The following PICALM variants were observed in gnomAD, a reference collection of about 807,000 sequenced individuals.
PICALM encodes phosphatidylinositol binding clathrin assembly protein, also known as phosphatidylinositol-binding clathrin assembly protein.
In PICALM, 40 loss-of-function variants were observed where a neutral mutation model predicts 80.5. The observed-to-expected ratio is 0.50, with a 90% CI of 0.39 to 0.65. The LOEUF is 0.65. Among genes scored for constraint, PICALM ranks in the 30% least tolerant of loss-of-function variants. The pLI, the probability that PICALM is intolerant of heterozygous loss-of-function variation, is 0.00. For missense variants in PICALM, 676 were observed against 778.9 expected (o/e 0.87, Z 1.57); for synonymous variants, 288 against 260.3 (o/e 1.11, Z -1.02).
At chr11:86,029,268 A>G (rs2095707359) in intron 2 of PICALM, among the ~76,000 whole-genome samples, 4 of 152,126 alleles carry the variant, frequency 2.6e-5, no homozygotes, top group Admixed American at 6.5e-5. Context: ...TTCCCCACTC[A>G]GTTTTGAGAA....
At chr11:86,011,788 T>C (rs2095398272) in intron 6 of PICALM, among the ~76,000 whole-genome samples, 1 of 152,050 alleles carries the variant, frequency 6.6e-6, no homozygotes, top group Admixed American at 6.5e-5. Context: ...AAAATATTTG[T>C]TTTTTTCCCA....
At chr11:86,008,927 C>T (rs2095332832) in intron 7 of PICALM, among the ~76,000 whole-genome samples, 1 of 106,070 alleles carries the variant, frequency 9.4e-6, no homozygotes, top group Non-Finnish European at 1.9e-5. Context: ...ACCCCGTTCT[C>T]CAGAAAAAGG....
At chr11:86,018,497 C>T (rs1669108368) in intron 4 of PICALM, among the ~76,000 whole-genome samples, 1 of 151,990 alleles carries the variant, frequency 6.6e-6, no homozygotes, top group Non-Finnish European at 1.5e-5. Flanking sequence ...TGCAACCATA[C>T]ATAAAAGGAT....
At chr11:85,960,841 G>T in intron 19 of PICALM, 1 of 670,218 alleles carries the variant, frequency 1.5e-6, no homozygotes, top group Non-Finnish European at 2.1e-6. Context: ...GAACATGAAA[G>T]CAGAAAATGT....
chr11:86,006,408 G>C (rs1259405081), intron 8 of PICALM, among the ~76,000 whole-genome samples: 1 of 152,172 alleles, frequency 6.6e-6, no homozygotes, highest in Non-Finnish European at 1.5e-5. Context: ...AACACTTTCG[G>C]AAGCCTAGGC....
intron 14 of PICALM, 153 bp from the exon 15 acceptor site, chr11:85,982,156 GA>G (rs1346014319): frequency 3.1e-6 from 2 of 635,402 alleles, no homozygotes; most frequent in Non-Finnish European, 5.5e-6. Context: ...GGAAAATGAA[GA>G]AAGTCACCAC....
rs564597377 is a variant in PICALM at position 86,004,334 on chromosome 11, C to T, written c.808-883G>A. On this transcript the variant is annotated intron_variant, in intron 8 of 19. Transcript: ENST00000393346. ...GCAAAAGTAAATACTTGTATGATTA[C>T]GCTTATATTAAGAACCAACAAAATT... 1.1e-4 allele frequency among the ~76,000 whole-genome samples: 17 copies of T among 152,116 alleles called. No individual in the cohort carries two copies. The South Asian group carries it at 2.7e-3, about 24-fold the overall frequency.
chr11:86,046,290 C>CA (rs1402033468), intron 1 of PICALM, among the ~76,000 whole-genome samples: 5 of 151,610 alleles, frequency 3.3e-5, no homozygotes, highest in Admixed American at 6.6e-5. Flanking sequence ...TCAGAATGAG[C>CA]AAAAAAAATC....
chr11:86,037,197 G>T (rs1290842665), intron 1 of PICALM, among the ~76,000 whole-genome samples: 1 of 146,938 alleles, frequency 6.8e-6, no homozygotes, highest in African/African-American at 2.6e-5. Context: ...ACCCGCTTCG[G>T]CCTCCCAAAG....
At chr11:86,040,382 T>G (rs1055059979) in intron 1 of PICALM, among the ~76,000 whole-genome samples, 1 of 152,158 alleles carries the variant, frequency 6.6e-6, no homozygotes, top group Admixed American at 6.5e-5. Flanking sequence ...TTTATTTTTA[T>G]AGAGACGAGG....
chr11:85,975,583 C>T (rs1306210960), intron 18 of PICALM, among the ~76,000 whole-genome samples: 6 of 141,190 alleles, frequency 4.2e-5, no homozygotes, highest in South Asian at 2.2e-4. Flanking sequence ...GCCTGAGTTT[C>T]TCAGCAGACT....
Position 86,024,720 on chromosome 11 carries a change from T to A in PICALM, c.349+1572A>T, listed in dbSNP as rs2095622792. The stretch of plus-strand genomic sequence containing the variant: ...CTATCTGCCACTACATGTTCTCAAA[T>A]ACACCATTCATATATATTCTATTCA... On this transcript the variant is annotated intron_variant, in intron 3 of 19. Transcript: ENST00000393346. Among the ~76,000 whole-genome samples the A allele has an allele frequency of 2.0e-5, 3 of 152,202 alleles. No individual in the cohort carries two copies. The South Asian group carries it at 6.2e-4, about 31-fold the overall frequency.
chr11:86,058,329 A>C (rs554621961), intron 1 of PICALM, among the ~76,000 whole-genome samples: 1 of 152,310 alleles, frequency 6.6e-6, no homozygotes, highest in African/African-American at 2.4e-5. Context: ...TTAAAATATG[A>C]CAATTGAGTA....
At chr11:85,972,496 C>A (rs1212840322) in intron 19 of PICALM, among the ~76,000 whole-genome samples, 1 of 152,162 alleles carries the variant, frequency 6.6e-6, no homozygotes, top group African/African-American at 2.4e-5. Flanking sequence ...GCAGACCCAT[C>A]TACCTTAAAG....
chr11:86,019,880 A>C (rs2095537290), intron 4 of PICALM, among the ~76,000 whole-genome samples: 1 of 152,188 alleles, frequency 6.6e-6, no homozygotes, highest in South Asian at 2.1e-4. Flanking sequence ...AATTGCTTAG[A>C]CCTTTGGGAT....
At chr11:86,068,129 T>C (rs568806981) in intron 1 of PICALM, among the ~76,000 whole-genome samples, 1 of 152,156 alleles carries the variant, frequency 6.6e-6, no homozygotes, top group African/African-American at 2.4e-5. Flanking sequence ...GCGAAGCAGC[T>C]AGTGGAGCAA....
At chr11:85,960,245 CAGA>C (rs2093644008) in intron 19 of PICALM, among the ~76,000 whole-genome samples, 2 of 152,098 alleles carry the variant, frequency 1.3e-5, no homozygotes, top group South Asian at 4.1e-4. Flanking sequence ...CTTGCCAAAT[CAGA>C]AGACTATAAA....
At chr11:85,970,217 C>A (rs575324641) in intron 19 of PICALM, among the ~76,000 whole-genome samples, 4 of 151,970 alleles carry the variant, frequency 2.6e-5, no homozygotes, top group African/African-American at 9.7e-5. Flanking sequence ...GTCACAAGGT[C>A]TGTAAGAAAA....
chr11:86,029,936 T>C (rs1232069443), intron 2 of PICALM, among the ~76,000 whole-genome samples: 1 of 152,200 alleles, frequency 6.6e-6, no homozygotes, highest in Non-Finnish European at 1.5e-5. Flanking sequence ...GTCATGTCTG[T>C]TGACTTAGTA....
Sources: allele counts gnomAD v4.1 joint callset (sites outside exome capture counted in the v4.1 genomes callset), GRCh38; gene constraint gnomAD v4.1.1; transcripts MANE v1.5; gene names NCBI Gene and HGNC (gene_info 2026-07-23, HGNC 2026-07-21).